HID1: variants seen among roughly 807,000 people sequenced by gnomAD.
HID1 encodes protein HID1.
In HID1, 42 loss-of-function variants were observed where a neutral mutation model predicts 89.7. That is an observed-to-expected ratio of 0.47 (90% CI 0.37 to 0.61). HID1 has a LOEUF of 0.61. Among genes scored for constraint, HID1 ranks in the 20% least tolerant of loss-of-function variants. The pLI, the probability that HID1 is intolerant of heterozygous loss-of-function variation, is 0.00. For synonymous variants in HID1, 442 were observed against 433.8 expected (o/e 1.02, Z -0.24); for missense variants, 854 against 1,039.3 (o/e 0.82, Z 2.45).
At chr17:74,964,103 C>T in intron 2 of HID1, 193 bp from the exon 3 acceptor site, 3 of 617,994 alleles carry the variant, frequency 4.9e-6, no homozygotes, top group Admixed American at 5.8e-5. Flanking sequence ...GACTGGGACA[C>T]AGGCCAGAGC....
intron 2 of HID1, 95 bp downstream of exon 2, chr17:74,964,388 G>T: frequency 7.3e-7 from 1 of 1,364,114 alleles, no homozygotes; most frequent in Non-Finnish European, 1.0e-6. Context: ...AGGGCTGCCT[G>T]CCCCTGTGGG....
chr17:74,965,332 T>C (rs1049297300), intron 1 of HID1, among the ~76,000 whole-genome samples: 1 of 152,242 alleles, frequency 6.6e-6, no homozygotes, highest in African/African-American at 2.4e-5. Flanking sequence ...CCACAGGCAC[T>C]GCTTCCTCAC....
rs1377165849 is a variant in HID1, at chr17:74,953,066, C to T, written c.1992G>A (p.Arg664=). The change falls in exon 16 of 19, where the codon AGG becomes AGA. Residue 664 remains arginine, a synonymous_variant. Coordinates refer to ENST00000425042, the MANE Select transcript of HID1 (RefSeq NM_030630.3). Reference sequence around the variant, plus strand: ...ATGAGGTGGACGGTCGCCGCTGCTCCCTCCATGCCTGGCTGGGCTCCTGGC... The same window carrying T: ...ATGAGGTGGACGGTCGCCGCTGCTCTCTCCATGCCTGGCTGGGCTCCTGGC... ...PAKGEPSQAW[R]EQRRPSTSSA... 2 of 1,607,876 alleles carry T rather than the reference C, an allele frequency of 1.2e-6. No homozygotes were observed. Among genetic ancestry groups the T allele is most frequent in the Non-Finnish European group, 1.7e-6 (2 of 1,178,000 alleles).
chr17:74,968,259 C>T (rs2039592348), intron 1 of HID1, among the ~76,000 whole-genome samples: 1 of 149,390 alleles, frequency 6.7e-6, no homozygotes, highest in South Asian at 2.2e-4. Context: ...GTGCACGTGC[C>T]TTGAAGCCCC....
Position 74,959,515 on chromosome 17 carries a change from T to G in HID1, c.1008+366A>C, listed in dbSNP as rs1283882748. On this transcript the variant is annotated intron_variant, in intron 8 of 18. Transcript: ENST00000425042. This position sits in a 1 kb window ranked among gnomAD's most constrained non-coding sequence, Gnocchi z 4.6. ...TGGGGTGAGAAGGCAGCTAGGGTCC[T>G]GTGTTTTAGCTGCAGAAGTTAGAAC... Among the ~76,000 whole-genome samples the G allele has an allele frequency of 6.6e-6, 1 of 152,164 alleles. No individual in the cohort carries two copies. The highest frequency in any genetic ancestry group is 1.5e-5 in the Non-Finnish European group (1 of 68,016).
chr17:74,953,828 G>A (rs2039344506), intron 14 of HID1, among the ~76,000 whole-genome samples, 177 bp from the exon 15 acceptor site: 1 of 151,462 alleles, frequency 6.6e-6, no homozygotes, highest in Non-Finnish European at 1.5e-5. Context: ...TCCCTCCAGA[G>A]TCTACACTCG....
chr17:74,960,730 G>A lies in HID1; in HGVS notation c.729-482C>T, dbSNP rs1001054607. 2.6e-5 allele frequency among the ~76,000 whole-genome samples: 4 copies of A among 152,214 alleles called. No homozygotes were observed. The East Asian group carries it at 7.7e-4, about 29-fold the overall frequency. ...CGGACTGTGGCTGGTGGAGGGGGTC[G>A]CCTGGCTCCCTTCTCTTCTGGAGTA... On this transcript the variant is annotated intron_variant, in intron 6 of 18. Transcript: ENST00000425042.
Position 74,962,631 on chromosome 17 carries a change from T to A in HID1, c.505-291A>T, listed in dbSNP as rs187631724. Among the ~76,000 whole-genome samples the A allele has an allele frequency of 2.9e-3, 440 of 152,046 alleles. 5 individuals are homozygous for A. The highest frequency in any genetic ancestry group is 9.7e-3 in the African/African-American group (402 of 41,468). On this transcript the variant is annotated intron_variant, in intron 4 of 18. Transcript: ENST00000425042. The surrounding 1 kb of genome is among the most constrained non-coding windows in gnomAD (Gnocchi z 4.3). ...GGGGCAGGGGATTGGGTGCCCCGGGTTTGGGGGTGGGCAGAGAAGACTCAA... is the reference window on the plus strand; with the variant it reads ...GGGGCAGGGGATTGGGTGCCCCGGGATTGGGGGTGGGCAGAGAAGACTCAA...
chr17:74,957,920 A>C (rs1251829127), intron 12 of HID1: 1 of 573,088 alleles, frequency 1.7e-6, no homozygotes, highest in Non-Finnish European at 3.1e-6. Flanking sequence ...ATATCTCATT[A>C]GTAATTTTCA....
Position 74,958,730 on chromosome 17 carries a change from C to A in HID1, c.1183G>T (p.Val395Phe), listed in dbSNP as rs777599097. The change falls in exon 10 of 19, where the codon GTC (valine) becomes TTC (phenylalanine). Residue 395 changes from valine (V) to phenylalanine (F), a missense_variant. Val to Phe is a conservative substitution (Grantham distance 50). Coordinates refer to ENST00000425042, the MANE Select transcript of HID1 (RefSeq NM_030630.3). This position sits in a 1 kb window ranked among gnomAD's most constrained non-coding sequence, Gnocchi z 5.2. ...FLFFVLKSSD[V>F]LDILVPILFF... is the part of the protein sequence containing the mutation. The stretch of plus-strand genomic sequence containing the variant: ...AGGATGGGGACAAGGATGTCTAGGA[C>A]GTCGCTGCTCTTCAGCACGAAGAAG... The A allele has an allele frequency of 1.2e-6, 2 of 1,609,448 alleles. No homozygotes were observed. The highest frequency in any genetic ancestry group is 4.5e-5 in the East Asian group (2 of 44,600).
chr17:74,958,640 GC>G lies in HID1; in HGVS notation c.1240+32del. 2 of 1,580,298 alleles carry G rather than the reference GC, an allele frequency of 1.3e-6. No homozygotes were observed. The highest frequency in any genetic ancestry group is 1.7e-6 in the Non-Finnish European group (2 of 1,149,846). ...AGCCCTCCACCTCGCCGCCAGGAAA[GC>G]CCCCAGCATCCCACCCCCACCCTGG... On this transcript the variant is annotated intron_variant, in intron 10 of 18. Transcript: ENST00000425042. This position sits in a 1 kb window ranked among gnomAD's most constrained non-coding sequence, Gnocchi z 5.2.
At chr17:74,965,899 A>G (rs2039554864) in intron 1 of HID1, among the ~76,000 whole-genome samples, 1 of 150,464 alleles carries the variant, frequency 6.6e-6, no homozygotes, top group Admixed American at 6.6e-5. Context: ...CCTGGGCAAC[A>G]AGAGCAAAAC....
Position 74,954,487 on chromosome 17 carries a change from A to C in HID1, c.1637-122T>G, listed in dbSNP as rs931203247. On this transcript the variant is annotated intron_variant, in intron 13 of 18. Transcript: ENST00000425042. Reference sequence around the variant, plus strand: ...GGAGGGTGTCTGCCCAAGGGGTTGGAGATGGTACAGGGAGCCCAAGAGAGG... The same window carrying C: ...GGAGGGTGTCTGCCCAAGGGGTTGGCGATGGTACAGGGAGCCCAAGAGAGG... 1.8e-5 allele frequency: 27 copies of C among 1,513,040 alleles called. No homozygotes were observed. The South Asian group carries it at 3.2e-4, about 18-fold the overall frequency. The allele number at this position is 1,513,040 out of a possible 1,614,324, so 93.7% of individuals were successfully genotyped here.
intron 16 of HID1, 104 bp downstream of exon 16, chr17:74,952,902 T>G: frequency 1.2e-6 from 1 of 849,806 alleles, no homozygotes; most frequent in Non-Finnish European, 1.8e-6. Context: ...TCTTGCCATC[T>G]TCACTGAGCT....
Position 74,951,955 on chromosome 17 carries a change from C to G in HID1, c.2253G>C (p.Ser751=). 1 of 1,561,396 alleles carries G rather than the reference C, an allele frequency of 6.4e-7. No homozygotes were observed. Among genetic ancestry groups the G allele is most frequent in the Non-Finnish European group, 8.7e-7 (1 of 1,153,550 alleles). The part of the protein sequence containing the change: ...PILIRKYQAN[S]GTAMWFRTYM... Reference sequence around the variant, plus strand: ...AGGTGCGGAACCACATGGCAGTGCCCGAGTTGGCCTGGTACTTGCGGATGA... The same window carrying G: ...AGGTGCGGAACCACATGGCAGTGCCGGAGTTGGCCTGGTACTTGCGGATGA... Residue 751 remains serine, a synonymous_variant, in exon 18 of 19, where the codon TCG becomes TCC. Coordinates refer to ENST00000425042, the MANE Select transcript of HID1 (RefSeq NM_030630.3).
chr17:74,969,687 G>A (rs926150901), intron 1 of HID1, among the ~76,000 whole-genome samples: 4 of 151,790 alleles, frequency 2.6e-5, no homozygotes, highest in African/African-American at 9.7e-5. Flanking sequence ...CCGTAACCTT[G>A]AACTCCTGGG....
chr17:74,963,148 G>T, intron 3 of HID1, 67 bp from the exon 4 acceptor site: 1 of 1,223,898 alleles, frequency 8.2e-7, no homozygotes, highest in Non-Finnish European at 1.2e-6. Flanking sequence ...CCAGGGCTTG[G>T]GGGTGGTGGA....
intron 1 of HID1, among the ~76,000 whole-genome samples, chr17:74,971,183 A>C (rs73365015): frequency 0.081 from 12,304 of 152,220 alleles, 1,336 homozygotes; most frequent in African/African-American, 0.25. Flanking sequence ...CCACAGTGCA[A>C]TCCTCCAACA....
intron 1 of HID1, among the ~76,000 whole-genome samples, chr17:74,970,337 G>A (rs559117264): frequency 6.6e-6 from 1 of 152,320 alleles, no homozygotes; most frequent in South Asian, 2.1e-4. Context: ...AGGTCCCCTA[G>A]TCCTCAAGCC....
Sources: allele counts gnomAD v4.1 joint callset (sites outside exome capture counted in the v4.1 genomes callset), GRCh38; gene constraint gnomAD v4.1.1; non-coding constraint Gnocchi (gnomAD v3.1); transcripts MANE v1.5; gene names NCBI Gene and HGNC (gene_info 2026-07-23, HGNC 2026-07-21).